Variants in ABCC8 observed in about 807,000 individuals in gnomAD.
ABCC8 encodes the protein ATP-binding cassette sub-family C member 8.
ABCC8 carries 137 observed loss-of-function variants against 188.0 expected under a neutral mutation model. That is an observed-to-expected ratio of 0.73 (90% CI 0.63 to 0.84). The LOEUF (loss-of-function observed/expected upper bound fraction) is 0.84. ABCC8 is among the 40% of genes least tolerant of loss of function. The pLI, the probability that ABCC8 is intolerant of heterozygous loss-of-function variation, is 0.00. For synonymous variants in ABCC8, 797 were observed against 846.5 expected, an observed-to-expected ratio of 0.94 and a Z score of 1.01; for missense variants, 1,750 against 2,072.7, an observed-to-expected ratio of 0.84 and a Z score of 3.02.
At chr11:17,447,040 C>A (rs1204457493) in intron 8 of ABCC8, among the ~76,000 whole-genome samples, 1 of 152,184 alleles carries the variant, frequency 6.6e-6, no homozygotes, top group African/African-American at 2.4e-5. Flanking sequence ...AACTGAATTG[C>A]CATAGCAACT....
rs146378237 is a variant in ABCC8 at position 17,428,371 on chromosome 11, C to T, written c.1958G>A (p.Arg653Gln). 2.6e-4 allele frequency: 417 copies of T among 1,614,096 alleles called. 6 individuals carry two copies. The South Asian group carries it at 4.0e-3, about 15-fold the overall frequency. ...LRVVNRKRPAREDCRGLTGPL... is the reference protein window; with the variant it reads ...LRVVNRKRPAQEDCRGLTGPL... ...GCCGGTGAGGCCCCGACAATCCTCCCGGGCTGGACGCTTGCGGTTCACAAC... is the reference window on the plus strand; with the variant it reads ...GCCGGTGAGGCCCCGACAATCCTCCTGGGCTGGACGCTTGCGGTTCACAAC... Residue 653 changes from arginine (R) to glutamine (Q), a missense_variant, in exon 14 of 39, where the codon CGG becomes CAG. By Grantham distance (43) the Arg-to-Gln change is conservative. Coordinates refer to ENST00000389817, the MANE Select transcript of ABCC8 (RefSeq NM_000352.6).
chr11:17,461,597 A>G lies in ABCC8; in HGVS notation c.808T>C (p.Phe270Leu). ...CCCCCACTGACCACCTGGGCGTCAA[A>G]GGCCTCGCAGAGCCGTTGGTAGTTG... is the stretch of plus-strand genomic sequence containing the variant. ...LTNYQRLCEA[F>L]DAQVRKDIQG... Residue 270 changes from phenylalanine (F) to leucine (L), a missense_variant, in exon 5 of 39, where the codon TTT (phenylalanine) becomes CTT (leucine). Transcript: ENST00000389817. The G allele has an allele frequency of 6.2e-7, 1 of 1,614,240 alleles. No homozygotes were observed. Among genetic ancestry groups the G allele is most frequent in the East Asian group, 2.2e-5 (1 of 44,880 alleles).
intron 4 of ABCC8, among the ~76,000 whole-genome samples, chr11:17,462,799 C>G (rs937553260): frequency 1.8e-4 from 28 of 151,954 alleles, no homozygotes; most frequent in African/African-American, 6.3e-4. Flanking sequence ...GTGCAGAAAA[C>G]TGCATAATAT....
rs1415178017 is a variant in ABCC8 at position 17,404,321 on chromosome 11, C to T, written c.3557+191G>A. Reference sequence around the variant, plus strand: ...ATTCAGATGTCAACCTCAGTGTGTGCGTGTGTTGGCAGACTATTATATTAG... The same window carrying T: ...ATTCAGATGTCAACCTCAGTGTGTGTGTGTGTTGGCAGACTATTATATTAG... On this transcript the variant is annotated intron_variant, in intron 28 of 38. Coordinates refer to ENST00000389817, the MANE Select transcript of ABCC8 (RefSeq NM_000352.6). This position sits in a 1 kb window ranked among gnomAD's most constrained non-coding sequence, Gnocchi z 4.7. 3.3e-5 allele frequency among the ~76,000 whole-genome samples: 5 copies of T among 152,102 alleles called. No homozygotes were observed. The highest frequency in any genetic ancestry group is 4.8e-5 in the African/African-American group (2 of 41,414).
At chr11:17,398,513 C>T (rs1954062939) in intron 29 of ABCC8, 72 bp from the exon 30 acceptor site, 1 of 1,595,486 alleles carries the variant, frequency 6.3e-7, no homozygotes, top group South Asian at 1.1e-5. Context: ...TCCCTACCTG[C>T]AGAGGGAGGC....
At chr11:17,415,406 T>C in intron 17 of ABCC8, 67 bp from the exon 18 acceptor site, 1 of 1,576,880 alleles carries the variant, frequency 6.3e-7, no homozygotes, top group South Asian at 1.2e-5. Flanking sequence ...AGGAAGATCC[T>C]GAGCTCCCTC....
At chr11:17,429,003 T>C (rs1955726046) in intron 12 of ABCC8, 1 of 390,992 alleles carries the variant, frequency 2.6e-6, no homozygotes, top group Non-Finnish European at 4.7e-6. Context: ...TAGTTAGGAC[T>C]AGGATTGGTA....
chr11:17,462,664 T>G (rs962167643), intron 4 of ABCC8, among the ~76,000 whole-genome samples: 1 of 152,174 alleles, frequency 6.6e-6, no homozygotes, highest in African/African-American at 2.4e-5. Context: ...CATAGAGAAA[T>G]AGCTGAACAC....
chr11:17,393,891 A>G, intron 37 of ABCC8, 132 bp from the exon 38 acceptor site: 1 of 1,562,922 alleles, frequency 6.4e-7, no homozygotes, highest in East Asian at 2.3e-5. Context: ...CCCCCACCCC[A>G]CAGGACTGAA....
intron 26 of ABCC8, chr11:17,406,327 C>A: frequency 2.2e-6 from 1 of 455,522 alleles, no homozygotes; most frequent in Non-Finnish European, 4.0e-6. Context: ...AAATTACACC[C>A]ACTTAGGGAG....
At position 17,461,719 on chromosome 11, in the gene ABCC8, G is replaced by A. The variant is rs768017509; in HGVS notation, c.686C>T (p.Thr229Ile). 30 of 1,614,074 alleles carry A rather than the reference G, an allele frequency of 1.9e-5. No individual in the cohort carries two copies. Among genetic ancestry groups the A allele is most frequent in the Non-Finnish European group, 2.2e-5 (26 of 1,180,036 alleles). The change falls in exon 5 of 39, where the codon ACC becomes ATC. Residue 229 changes from threonine to isoleucine, a missense_variant. Transcript: ENST00000389817. ...GATGAAGGCGTTCATCCACCAGTAGGTGCCTTTGGACAGCAGATTCACGAA... is the reference window on the plus strand; with the variant it reads ...GATGAAGGCGTTCATCCACCAGTAGATGCCTTTGGACAGCAGATTCACGAA... The part of the protein sequence containing the change: ...QPFVNLLSKG[T>I]YWWMNAFIKT...
In ABCC8 at chr11:17,428,608, T is replaced by C. The variant is rs781409724; in HGVS notation, c.1880A>G (p.His627Arg). 1.3e-5 allele frequency: 21 copies of C among 1,613,880 alleles called. No individual in the cohort carries two copies. Among genetic ancestry groups the C allele is most frequent in the Non-Finnish European group, 1.7e-5 (20 of 1,180,008 alleles). The change falls in exon 13 of 39, where the codon CAT becomes CGT. Residue 627 changes from histidine (H) to arginine (R), a missense_variant. His to Arg is a conservative substitution (Grantham distance 29). Transcript: ENST00000389817. The stretch of plus-strand genomic sequence containing the variant: ...GGCTGGGCCCTGAGGTGTGGGCTCA[T>C]GGGGGGCACACTGCTCCTCACGGAT... ...AEIREEQCAP[H>R]EPTPQGPASK...
chr11:17,393,061 A>T lies in ABCC8; in HGVS notation c.4676T>A (p.Phe1559Tyr). 4 of 1,614,130 alleles carry T rather than the reference A, an allele frequency of 2.5e-6. No individual in the cohort carries two copies. Among genetic ancestry groups the T allele is most frequent in the Non-Finnish European group, 3.4e-6 (4 of 1,180,024 alleles). Residue 1559 changes from phenylalanine to tyrosine, a missense_variant, in exon 39 of 39, where the codon TTC becomes TAC. Physicochemically the swap from Phe to Tyr is conservative, Grantham distance 22. Coordinates refer to ENST00000389817, the MANE Select transcript of ABCC8 (RefSeq NM_000352.6). ...GCTGAGCAGCTTCTCTGGCTTATCG[A>T]ACTCAAGGATGGCACCCCGCTTCAG... is the stretch of plus-strand genomic sequence containing the variant. ...IVLKRGAILEFDKPEKLLSRK... is the reference protein window; with the variant it reads ...IVLKRGAILEYDKPEKLLSRK...
chr11:17,431,025 G>A (rs1266755149), intron 11 of ABCC8, 66 bp from the exon 12 acceptor site: 40 of 1,589,226 alleles, frequency 2.5e-5, no homozygotes, highest in Non-Finnish European at 3.3e-5. Context: ...CACTGGAAAC[G>A]CTCAGCACTG....
At chr11:17,414,469 G>T (rs758214201) in intron 19 of ABCC8, 43 bp downstream of exon 19, 1 of 1,611,608 alleles carries the variant, frequency 6.2e-7, no homozygotes, top group South Asian at 1.1e-5. Flanking sequence ...GCCAGAGACA[G>T]TTCCTCCCCT....
In ABCC8 at chr11:17,467,087, A is replaced by ACACACACAC. The variant is rs1404390064; in HGVS notation, c.412+3013_412+3014insGTGTGTGTG. ...ACACACACACACACACACACACACA[A>ACACACACAC]CTTCCCATTGCTGTTGGGATAAAGG... On this transcript the variant is annotated intron_variant, in intron 3 of 38. Coordinates refer to ENST00000389817, the MANE Select transcript of ABCC8 (RefSeq NM_000352.6). Among the ~76,000 whole-genome samples the ACACACACAC allele has an allele frequency of 5.8e-4, 24 of 41,320 alleles. 1 individual carries two copies. In the East Asian group the frequency reaches 0.021, roughly 36 times the overall value. The allele number at this position is 41,320 out of a possible 152,430, so 27.1% of individuals were successfully genotyped here. A position where few individuals can be genotyped will look rare whatever the true frequency, so the allele number is the denominator to read the frequency against.
intron 7 of ABCC8, among the ~76,000 whole-genome samples, chr11:17,451,810 C>T (rs184838856): frequency 5.3e-5 from 8 of 152,320 alleles, no homozygotes; most frequent in East Asian, 3.9e-4. Flanking sequence ...TCTCTAGATA[C>T]GGCCATTTGG....
chr11:17,413,267 C>T, intron 20 of ABCC8, 127 bp downstream of exon 20: 2 of 1,419,896 alleles, frequency 1.4e-6, no homozygotes, highest in East Asian at 2.3e-5. Context: ...TTTGACCTTA[C>T]TGCAGGCAAC....
intron 16 of ABCC8, among the ~76,000 whole-genome samples, chr11:17,423,625 C>T (rs534225278): frequency 6.6e-6 from 1 of 152,274 alleles, no homozygotes; most frequent in South Asian, 2.1e-4. Flanking sequence ...AAATGAGACC[C>T]CTTCACTACC....
Sources: allele counts gnomAD v4.1 joint callset (sites outside exome capture counted in the v4.1 genomes callset), GRCh38; gene constraint gnomAD v4.1.1; non-coding constraint Gnocchi (gnomAD v3.1); transcripts MANE v1.5; gene names NCBI Gene and HGNC (gene_info 2026-07-23, HGNC 2026-07-21).